The following ACOX3 variants were observed in gnomAD, a reference collection of about 807,000 sequenced individuals.
ACOX3 encodes the protein acyl-CoA oxidase 3, pristanoyl, also known as peroxisomal acyl-coenzyme A oxidase 3.
A neutral mutation model predicts 81.5 loss-of-function variants in ACOX3; 73 were observed. The ratio of observed to expected loss-of-function variants is 0.90; its 90% CI spans 0.74 to 1.09. The LOEUF is 1.09. Among genes scored for constraint, ACOX3 ranks in the 50% least tolerant of loss-of-function variants. The pLI is 0.00. For missense variants in ACOX3, 947 were observed against 928.0 expected (o/e 1.02, Z -0.27); for synonymous variants, 387 against 375.1 (o/e 1.03, Z -0.37).
intron 16 of ACOX3, among the ~76,000 whole-genome samples, chr4:8,372,792 C>T (rs1223873334): frequency 2.6e-5 from 4 of 152,230 alleles, no homozygotes; most frequent in Non-Finnish European, 2.9e-5. Context: ...TGCTAAAATG[C>T]AGCAGCACTC....
In ACOX3 at chr4:8,437,447, A is replaced by G. The variant is rs2109056204; in HGVS notation, c.-15+3201T>C. ...GTGTAAAAAAGAGAATCAGAAGAAA[A>G]TGGGAGAGACAGCAGTGCGCGGGGG... On this transcript the variant is annotated intron_variant, in intron 1 of 17. Transcript: ENST00000356406. The surrounding 1 kb of genome is among the most constrained non-coding windows in gnomAD (Gnocchi z 5.2). Among the ~76,000 whole-genome samples the G allele has an allele frequency of 6.6e-6, 1 of 152,296 alleles. No homozygotes were observed. The highest frequency in any genetic ancestry group is 1.5e-5 in the Non-Finnish European group (1 of 68,018).
At chr4:8,374,928 G>A (rs1454696785) in intron 15 of ACOX3, 50 bp downstream of exon 15, 7 of 1,453,140 alleles carry the variant, frequency 4.8e-6, no homozygotes, top group Middle Eastern at 1.8e-4. Context: ...GATACAACAC[G>A]GGGGCCCTGA....
chr4:8,412,745 T>G (rs1175446084), intron 5 of ACOX3, among the ~76,000 whole-genome samples: 1 of 152,026 alleles, frequency 6.6e-6, no homozygotes, highest in Non-Finnish European at 1.5e-5. Context: ...GAGAGTCATG[T>G]GGTGGCAGGG....
intron 5 of ACOX3, among the ~76,000 whole-genome samples, chr4:8,413,832 G>A (rs1722050035): frequency 6.6e-6 from 1 of 152,394 alleles, no homozygotes; most frequent in South Asian, 2.1e-4. Context: ...AGGACCCGAG[G>A]AGTCAGACTG....
chr4:8,393,645 A>ACACACATG (rs1719330935), intron 10 of ACOX3, among the ~76,000 whole-genome samples: 3 of 143,426 alleles, frequency 2.1e-5, no homozygotes, highest in Admixed American at 1.4e-4. Flanking sequence ...ACGCACACAC[A>ACACACATG]CACACACACA....
At chr4:8,408,449 A>G (rs970582146) in intron 6 of ACOX3, among the ~76,000 whole-genome samples, 2 of 152,122 alleles carry the variant, frequency 1.3e-5, no homozygotes, top group Admixed American at 6.5e-5. Flanking sequence ...CACTTGGTGC[A>G]GTGGCGAGAG....
At position 8,370,068 on chromosome 4, in the gene ACOX3, G is replaced by T. The variant is rs912266332; in HGVS notation, c.1983+840C>A. ...AGGCCAGCAAGGGCAGCACTACAGTGCCTGGGGGCACTGCCTCAGCTGGAG... is the reference window on the plus strand; with the variant it reads ...AGGCCAGCAAGGGCAGCACTACAGTTCCTGGGGGCACTGCCTCAGCTGGAG... On this transcript the variant is annotated intron_variant, in intron 17 of 17. Coordinates refer to ENST00000356406, the MANE Select transcript of ACOX3 (RefSeq NM_003501.3). The surrounding 1 kb of genome is among the most constrained non-coding windows in gnomAD (Gnocchi z 6.3). Among the ~76,000 whole-genome samples, 1 of 152,246 alleles carries T rather than the reference G, an allele frequency of 6.6e-6. No individual in the cohort carries two copies. The highest frequency in any genetic ancestry group is 2.4e-5 in the African/African-American group (1 of 41,478).
rs796127339 is a variant in ACOX3, at chr4:8,392,617, G to T, written c.1180-164C>A. On this transcript the variant is annotated intron_variant, in intron 10 of 17. Transcript: ENST00000356406. The stretch of plus-strand genomic sequence containing the variant: ...CTAATTGTAATTAGAAATAAAAAAG[G>T]GTCTTTATCCAAGTATGGATACACT... Among the ~76,000 whole-genome samples, 10 of 152,280 alleles carry T rather than the reference G, an allele frequency of 6.6e-5. No homozygotes were observed. In the East Asian group the frequency reaches 1.3e-3, roughly 21 times the overall value.
chr4:8,390,248 G>A (rs1718829528), intron 11 of ACOX3, among the ~76,000 whole-genome samples: 1 of 152,052 alleles, frequency 6.6e-6, no homozygotes, highest in African/African-American at 2.4e-5. Flanking sequence ...AGGCTGAGGT[G>A]GGAGGATTGC....
At chr4:8,403,601 C>T (rs932430147) in intron 7 of ACOX3, among the ~76,000 whole-genome samples, 3 of 152,172 alleles carry the variant, frequency 2.0e-5, no homozygotes, top group Non-Finnish European at 4.4e-5. Flanking sequence ...CGTCAAAGGG[C>T]GGTCGTTATT....
Position 8,406,420 on chromosome 4 carries a change from A to G in ACOX3, c.688-377T>C, listed in dbSNP as rs1297567110. 6.6e-6 allele frequency among the ~76,000 whole-genome samples: 1 copy of G among 152,188 alleles called. No individual in the cohort carries two copies. The highest frequency in any genetic ancestry group is 1.9e-4 in the East Asian group (1 of 5,182). ...CTGGGGCTGTAGGGATCAGCCCCAC[A>G]GGGTCAGTGGGTTTCTCCCCGTGTG... On this transcript the variant is annotated intron_variant, in intron 6 of 17. Transcript: ENST00000356406. The surrounding 1 kb of genome is among the most constrained non-coding windows in gnomAD (Gnocchi z 5.6).
intron 1 of ACOX3, chr4:8,428,230 C>G (rs549122294): frequency 6.6e-6 from 1 of 152,362 alleles, no homozygotes; most frequent in South Asian, 2.1e-4. Flanking sequence ...AGCCCCCACA[C>G]CCCCGGGCCT....
intron 1 of ACOX3, among the ~76,000 whole-genome samples, chr4:8,440,070 T>C (rs184556315): frequency 3.3e-5 from 5 of 152,358 alleles, no homozygotes; most frequent in African/African-American, 2.4e-5. Flanking sequence ...AGACATTGTA[T>C]GAAAAAAGCA....
In ACOX3 at chr4:8,430,213, C is replaced by T. The variant is rs990276001; in HGVS notation, c.-15+10435G>A. Among the ~76,000 whole-genome samples the T allele has an allele frequency of 6.6e-6, 1 of 152,196 alleles. No individual in the cohort carries two copies. The highest frequency in any genetic ancestry group is 2.4e-5 in the African/African-American group (1 of 41,450). The stretch of plus-strand genomic sequence containing the variant: ...ATATAATTATGGGTATCAGTGGGAG[C>T]GTCCGATTGCAAAAGCAGAAGGAAG... On this transcript the variant is annotated intron_variant, in intron 1 of 17. Transcript: ENST00000356406. This position sits in a 1 kb window ranked among gnomAD's most constrained non-coding sequence, Gnocchi z 5.2.
At chr4:8,393,613 A>ACGCG (rs1224673369) in intron 10 of ACOX3, among the ~76,000 whole-genome samples, 6 of 115,624 alleles carry the variant, frequency 5.2e-5, no homozygotes, top group African/African-American at 1.7e-4. Flanking sequence ...AGACACACAC[A>ACGCG]CGCACACACA....
intron 13 of ACOX3, among the ~76,000 whole-genome samples, chr4:8,387,963 C>T (rs1035275043): frequency 6.6e-6 from 1 of 152,220 alleles, no homozygotes; most frequent in Non-Finnish European, 1.5e-5. Flanking sequence ...GGCCTTTTCC[C>T]ATGAGGAACA....
At chr4:8,373,662 G>A in intron 15 of ACOX3, 34 bp from the exon 16 acceptor site, 1 of 1,595,742 alleles carries the variant, frequency 6.3e-7, no homozygotes, top group Admixed American at 1.7e-5. Context: ...TGGGGGCTGG[G>A]TCCAGTCCAA....
chr4:8,438,930 G>T (rs1458038473), intron 1 of ACOX3: 1 of 152,150 alleles, frequency 6.6e-6, no homozygotes, highest in Non-Finnish European at 1.5e-5. Context: ...CACTCCGGAG[G>T]CTGACCAGTC....
Position 8,382,789 on chromosome 4 carries a change from G to A in ACOX3, c.1538-1182C>T, listed in dbSNP as rs1465482995. Among the ~76,000 whole-genome samples the A allele has an allele frequency of 6.6e-6, 1 of 151,938 alleles. No individual in the cohort carries two copies. Among genetic ancestry groups the A allele is most frequent in the East Asian group, 1.9e-4 (1 of 5,170 alleles). On this transcript the variant is annotated intron_variant, in intron 13 of 17. Transcript: ENST00000356406. The surrounding 1 kb of genome is among the most constrained non-coding windows in gnomAD (Gnocchi z 4.1). ...GGGCGGATCACGAGGTCAGGAGATCGAGACCATCCTGGCTAACACGGTGAA... is the reference window on the plus strand; with the variant it reads ...GGGCGGATCACGAGGTCAGGAGATCAAGACCATCCTGGCTAACACGGTGAA...
Sources: gnomAD v4.1 joint callset for allele counts (sites outside exome capture counted in the v4.1 genomes callset) on GRCh38, gnomAD v4.1.1 for gene constraint, Gnocchi (gnomAD v3.1) non-coding constraint, MANE v1.5 for transcripts, NCBI Gene and HGNC (gene_info 2026-07-23, HGNC 2026-07-21) for gene names.